PEBP4: variants seen among roughly 807,000 people sequenced by gnomAD.
PEBP4 encodes phosphatidylethanolamine-binding protein 4.
PEBP4 carries 22 observed loss-of-function variants against 23.9 expected under a neutral mutation model. The observed-to-expected ratio is 0.92, with a 90% CI of 0.66 to 1.31. PEBP4 has a LOEUF of 1.31. PEBP4 is among the 40% of genes most tolerant of loss of function. The pLI, the probability that PEBP4 is intolerant of heterozygous loss-of-function variation, is 0.00. For synonymous variants in PEBP4, 112 were observed against 99.3 expected (o/e 1.13, Z -0.76); for missense variants, 324 against 281.7 (o/e 1.15, Z -1.07).
chr8:22,734,094 A>G (rs1804799619), intron 4 of PEBP4, among the ~76,000 whole-genome samples: 1 of 152,244 alleles, frequency 6.6e-6, no homozygotes, highest in Admixed American at 6.5e-5. Context: ...GTGGCAAAGG[A>G]TCCAGGAAAA....
chr8:22,897,931 A>C (rs1808622840), intron 3 of PEBP4: 1 of 152,172 alleles, frequency 6.6e-6, no homozygotes, highest in Non-Finnish European at 1.5e-5. Flanking sequence ...CCCTATAAGA[A>C]AAGACCCCAG....
chr8:22,899,581 G>A (rs1436127362), intron 3 of PEBP4, among the ~76,000 whole-genome samples: 2 of 152,244 alleles, frequency 1.3e-5, no homozygotes, highest in Non-Finnish European at 2.9e-5. Flanking sequence ...GACTCACCCC[G>A]TTACCATGGC....
At chr8:22,774,746 G>T (rs1197069260) in intron 4 of PEBP4, among the ~76,000 whole-genome samples, 47 of 152,192 alleles carry the variant, frequency 3.1e-4, no homozygotes, top group Non-Finnish European at 5.9e-5. Context: ...AGGATAGGCT[G>T]CTGAGTCCTG....
At chr8:22,760,405 G>A (rs1336464174) in intron 4 of PEBP4, among the ~76,000 whole-genome samples, 2 of 152,170 alleles carry the variant, frequency 1.3e-5, no homozygotes, top group Non-Finnish European at 2.9e-5. Flanking sequence ...CACAAGCAGA[G>A]ACCATGACTT....
At chr8:22,817,848 T>G in intron 3 of PEBP4, 113 bp from the exon 4 acceptor site, 1 of 882,288 alleles carries the variant, frequency 1.1e-6, no homozygotes, top group Non-Finnish European at 1.8e-6. Flanking sequence ...GTAGCCCCTA[T>G]GGCGTCCCAT....
chr8:22,785,305 T>G (rs1045259572), intron 4 of PEBP4, among the ~76,000 whole-genome samples: 6 of 152,182 alleles, frequency 3.9e-5, no homozygotes, highest in Non-Finnish European at 7.3e-5. Context: ...AATCGAGAGC[T>G]GCTGTGTCCT....
intron 3 of PEBP4, among the ~76,000 whole-genome samples, chr8:22,832,411 C>T (rs1157982040): frequency 6.6e-6 from 1 of 152,188 alleles, no homozygotes; most frequent in Non-Finnish European, 1.5e-5. Flanking sequence ...AGCAAGCAGG[C>T]CCTTGTCAGA....
chr8:22,827,696 T>C (rs1358807522), intron 3 of PEBP4, among the ~76,000 whole-genome samples: 1 of 152,258 alleles, frequency 6.6e-6, no homozygotes, highest in South Asian at 2.1e-4. Context: ...CTGTGAACAT[T>C]TGCTGTAAGT....
intron 3 of PEBP4, among the ~76,000 whole-genome samples, chr8:22,823,196 A>C: frequency 6.6e-6 from 1 of 152,128 alleles, no homozygotes; most frequent in East Asian, 1.9e-4. Context: ...ATAATTTAAA[A>C]TGTTATTTAA....
intron 3 of PEBP4, among the ~76,000 whole-genome samples, chr8:22,902,719 G>C (rs1808735764): frequency 6.6e-6 from 1 of 152,218 alleles, no homozygotes; most frequent in Non-Finnish European, 1.5e-5. Flanking sequence ...TTCTGCCCAG[G>C]AGGAGTTAAG....
At chr8:22,734,753 C>T (rs1465896730) in intron 4 of PEBP4, among the ~76,000 whole-genome samples, 2 of 152,104 alleles carry the variant, frequency 1.3e-5, no homozygotes, top group Non-Finnish European at 2.9e-5. Flanking sequence ...CTTTTCAGTT[C>T]TCCAGTGGAT....
Position 22,865,442 on chromosome 8 carries a change from G to C in PEBP4, c.259-47707C>G, listed in dbSNP as rs1807870695. On this transcript the variant is annotated intron_variant, in intron 3 of 6. Transcript: ENST00000256404. The surrounding 1 kb of genome is among the most constrained non-coding windows in gnomAD (Gnocchi z 6.9). The stretch of plus-strand genomic sequence containing the variant: ...ACCTGCGCCTCCAGGGCGTTGGGCG[G>C]GGGCCGCACTTTCCCCGCCGCGAGG... 6.6e-6 allele frequency among the ~76,000 whole-genome samples: 1 copy of C among 152,084 alleles called. No individual in the cohort carries two copies. The highest frequency in any genetic ancestry group is 1.9e-4 in the East Asian group (1 of 5,132).
chr8:22,940,992 G>A (rs1024390698), intron 1 of PEBP4, among the ~76,000 whole-genome samples: 1 of 152,166 alleles, frequency 6.6e-6, no homozygotes, highest in Non-Finnish European at 1.5e-5. Context: ...AGGGGAGAAA[G>A]TTCCCTCCAG....
chr8:22,881,622 G>T (rs1038495290), intron 3 of PEBP4, among the ~76,000 whole-genome samples: 3 of 152,190 alleles, frequency 2.0e-5, no homozygotes, highest in Non-Finnish European at 4.4e-5. Context: ...TCTCCCCATG[G>T]GGCAATGCTT....
At chr8:22,760,272 AG>A (rs976093790) in intron 4 of PEBP4, among the ~76,000 whole-genome samples, 11 of 152,252 alleles carry the variant, frequency 7.2e-5, no homozygotes, top group African/African-American at 2.6e-4. Flanking sequence ...GAGACTGGGA[AG>A]TGAACACAGG....
chr8:22,824,647 A>G (rs1806929473), intron 3 of PEBP4, among the ~76,000 whole-genome samples: 1 of 152,198 alleles, frequency 6.6e-6, no homozygotes, highest in Admixed American at 6.5e-5. Context: ...TTTTCCTGCA[A>G]CTAGAGGGTC....
At chr8:22,836,329 TC>T (rs1229209584) in intron 3 of PEBP4, among the ~76,000 whole-genome samples, 2 of 152,192 alleles carry the variant, frequency 1.3e-5, no homozygotes, top group African/African-American at 4.8e-5. Context: ...TCCACTCTCT[TC>T]CCCCTGCTCA....
intron 4 of PEBP4, among the ~76,000 whole-genome samples, chr8:22,803,063 T>A (rs1806422219): frequency 1.3e-5 from 2 of 152,244 alleles, no homozygotes; most frequent in South Asian, 4.1e-4. Flanking sequence ...CCTCATGGCC[T>A]CCAAGGCCCT....
At chr8:22,773,818 C>T (rs890611135) in intron 4 of PEBP4, among the ~76,000 whole-genome samples, 3 of 152,100 alleles carry the variant, frequency 2.0e-5, no homozygotes, top group African/African-American at 7.2e-5. Context: ...CCGTGGGGGT[C>T]CTTGCTTTAC....
Sources: allele counts gnomAD v4.1 joint callset (sites outside exome capture counted in the v4.1 genomes callset), GRCh38; gene constraint gnomAD v4.1.1; non-coding constraint Gnocchi (gnomAD v3.1); transcripts MANE v1.5; gene names NCBI Gene and HGNC (gene_info 2026-07-23, HGNC 2026-07-21).